ZNF132: variants seen among roughly 807,000 people sequenced by gnomAD.
The protein encoded by ZNF132 is zinc finger protein 132.
In ZNF132, 6 loss-of-function variants were observed where a neutral mutation model predicts 9.3. That is an observed-to-expected ratio of 0.65 (90% CI 0.35 to 1.28). The LOEUF is 1.28. Among genes scored for constraint, ZNF132 ranks in the 50% most tolerant of loss-of-function variants. The pLI is 0.03. For missense variants in ZNF132, 877 were observed against 843.2 expected (o/e 1.04, Z -0.50); for synonymous variants, 296 against 292.0 (o/e 1.01, Z -0.14).
rs1211136774 is a variant in ZNF132 at position 58,439,870 on chromosome 19, T to G, written c.-49A>C. On this transcript the variant is annotated 5_prime_UTR_variant, in exon 1 of 3. Transcript: ENST00000254166. ...TGCCGCTGGGCCGAACCCTCACACT[T>G]CCGCTGGGTGACGGTCGCACTCAGG... 1.3e-6 allele frequency: 2 copies of G among 1,523,382 alleles called. No individual in the cohort carries two copies. The highest frequency in any genetic ancestry group is 1.2e-5 in the South Asian group (1 of 81,376). 94.4% of individuals were successfully genotyped at this position (1,523,382 alleles called of 1,614,324 possible).
intron 2 of ZNF132, 182 bp downstream of exon 2, chr19:58,436,865 G>T: frequency 1.2e-6 from 1 of 851,446 alleles, no homozygotes; most frequent in Non-Finnish European, 2.0e-6. Flanking sequence ...GAAAGCTCAT[G>T]AGGCTGCTCA....
rs150467107 is a variant in ZNF132 at position 58,434,913 on chromosome 19, G to A, written c.531C>T (p.Asp177=). The A allele has an allele frequency of 2.2e-4, 349 of 1,613,978 alleles. No individual in the cohort carries two copies. Among genetic ancestry groups the A allele is most frequent in the African/African-American group, 5.5e-4 (41 of 74,896 alleles). ...GGACTTTAGAGCTCTTCATAAGTGC[G>A]TCCCTGTCCTTGTACCATCTAAAGG... is the stretch of plus-strand genomic sequence containing the variant. The part of the protein sequence containing the change: ...GKPFRWYKDR[D]ALMKSSKVHL... Residue 177 remains aspartate (D), a synonymous_variant, in exon 3 of 3, where the codon GAC becomes GAT. Coordinates refer to ENST00000254166, the MANE Select transcript of ZNF132 (RefSeq NM_003433.4).
rs749205106 is a variant in ZNF132 at position 58,434,289 on chromosome 19, G to C, written c.1155C>G (p.Ser385Arg). The change falls in exon 3 of 3, where the codon AGC (serine) becomes AGG (arginine). Residue 385 changes from serine (S) to arginine (R), a missense_variant. By Grantham distance (110) the Ser-to-Arg change is moderately radical. Transcript: ENST00000254166. ...GATGCCGAAGGAAATTGGAGCTTTG[G>C]CTGAAGGCTCTTCCACATTTCAGGC... ...FECLKCGRAF[S>R]QSSNFLRHQK... 6.2e-7 allele frequency: 1 copy of C among 1,613,970 alleles called. No homozygotes were observed. The highest frequency in any genetic ancestry group is 8.5e-7 in the Non-Finnish European group (1 of 1,179,970).
chr19:58,433,540 G>C lies in ZNF132; in HGVS notation c.1904C>G (p.Ala635Gly), dbSNP rs1314130737. The C allele has an allele frequency of 5.0e-6, 8 of 1,614,026 alleles. No homozygotes were observed. Among genetic ancestry groups the C allele is most frequent in the Middle Eastern group, 1.6e-4 (1 of 6,084 alleles). ...AACCAGGTGGGAGTTACTGCTAAAG[G>C]CTCTCCCACATTCACTGCATTCGTA... Reference protein sequence around the residue: ...RPYECSECGRAFSSNSHLVRH... With the variant: ...RPYECSECGRGFSSNSHLVRH... Residue 635 changes from alanine to glycine, a missense_variant, in exon 3 of 3, where the codon GCC becomes GGC. By Grantham distance (60) the Ala-to-Gly change is moderately conservative. Coordinates refer to ENST00000254166, the MANE Select transcript of ZNF132 (RefSeq NM_003433.4).
At position 58,433,374 on chromosome 19, in the gene ZNF132, T is replaced by A; in HGVS notation, c.2070A>T (p.Lys690Asn). 2 of 1,614,076 alleles carry A rather than the reference T, an allele frequency of 1.2e-6. No homozygotes were observed. The highest frequency in any genetic ancestry group is 1.7e-6 in the Non-Finnish European group (2 of 1,180,006). The change falls in exon 3 of 3, where the codon AAA becomes AAT. Residue 690 changes from lysine to asparagine, a missense_variant. Coordinates refer to ENST00000254166, the MANE Select transcript of ZNF132 (RefSeq NM_003433.4). ...ERTYECSQCG[K>N]LFSHLCNLAQ... is the part of the protein sequence containing the mutation. ...CAAGGTTACAAAGATGGCTGAAGAG[T>A]TTCCCACACTGGCTACACTCATAAG...
At position 58,434,785 on chromosome 19, in the gene ZNF132, T is replaced by C. The variant is rs375285143; in HGVS notation, c.659A>G (p.Tyr220Cys). 2 of 1,614,102 alleles carry C rather than the reference T, an allele frequency of 1.2e-6. No homozygotes were observed. The highest frequency in any genetic ancestry group is 2.7e-5 in the African/African-American group (2 of 74,934). ...LQAVDSGQKPYSNLGQLPEVC... is the reference protein window; with the variant it reads ...LQAVDSGQKPCSNLGQLPEVC... The stretch of plus-strand genomic sequence containing the variant: ...TTCTGGAAGCTGCCCAAGATTGGAA[T>C]ATGGCTTCTGCCCACTGTCAACAGC... The change falls in exon 3 of 3, where the codon TAT (tyrosine) becomes TGT (cysteine). Residue 220 changes from tyrosine to cysteine, a missense_variant. Transcript: ENST00000254166.
At chr19:58,436,136 A>G (rs1037475716) in intron 2 of ZNF132, among the ~76,000 whole-genome samples, 7 of 152,324 alleles carry the variant, frequency 4.6e-5, no homozygotes, top group Middle Eastern at 3.4e-3. Context: ...AAATCTATAT[A>G]GTCAGAAAGT....
chr19:58,436,838 TG>T, intron 2 of ZNF132: 1 of 729,726 alleles, frequency 1.4e-6, no homozygotes, highest in Non-Finnish European at 2.4e-6. Context: ...ACAAGGCTCC[TG>T]GGCAACAGCT....
At chr19:58,438,736 G>C (rs901394490) in intron 1 of ZNF132, among the ~76,000 whole-genome samples, 18 of 149,108 alleles carry the variant, frequency 1.2e-4, no homozygotes, top group African/African-American at 4.5e-4. Context: ...GCCTCCCAAA[G>C]TGCTGGGATT....
chr19:58,436,145 G>C (rs1246477854), intron 2 of ZNF132: 2 of 153,306 alleles, frequency 1.3e-5, no homozygotes, highest in Non-Finnish European at 2.9e-5. Flanking sequence ...TAGTCAGAAA[G>C]TAGATTAGTG....
chr19:58,435,267 C>G, intron 2 of ZNF132, 56 bp from the exon 3 acceptor site: 1 of 1,553,510 alleles, frequency 6.4e-7, no homozygotes, highest in Non-Finnish European at 8.7e-7. Flanking sequence ...GAATGGTTGA[C>G]TTCATTAGAA....
At chr19:58,439,641 CGT>C in intron 1 of ZNF132, 116 bp downstream of exon 1, 1 of 1,130,122 alleles carries the variant, frequency 8.8e-7, no homozygotes, top group Non-Finnish European at 1.2e-6. Context: ...CCAGGACCCA[CGT>C]GTGAGGACAG....
At position 58,434,570 on chromosome 19, in the gene ZNF132, C is replaced by T; in HGVS notation, c.874G>A (p.Val292Met). 1 of 1,614,120 alleles carries T rather than the reference C, an allele frequency of 6.2e-7. No homozygotes were observed. Among genetic ancestry groups the T allele is most frequent in the Non-Finnish European group, 8.5e-7 (1 of 1,179,974 alleles). The stretch of plus-strand genomic sequence containing the variant: ...AAGGCCTTCCCACACTCCTTACACA[C>T]ATGGGGTATTTCCCCAGTGTGAAAC... ...KKFHTGEIPH[V>M]CKECGKAFSH... Residue 292 changes from valine (V) to methionine (M), a missense_variant, in exon 3 of 3, where the codon GTG becomes ATG. By Grantham distance (21) the Val-to-Met change is conservative. Transcript: ENST00000254166.
chr19:58,433,841 T>G lies in ZNF132; in HGVS notation c.1603A>C (p.Arg535=), dbSNP rs752323626. Residue 535 remains arginine, a synonymous_variant, in exon 3 of 3, where the codon AGA becomes CGA. Coordinates refer to ENST00000254166, the MANE Select transcript of ZNF132 (RefSeq NM_003433.4). ...SRSSSLIQHW[R]IHTGEKPYEC... ...TAAGGCTTTTCTCCAGTGTGAATTC[T>G]CCAGTGCTGAATCAGGCTGGAGCTG... is the stretch of plus-strand genomic sequence containing the variant. 25 of 1,614,110 alleles carry G rather than the reference T, an allele frequency of 1.5e-5. No individual in the cohort carries two copies. Among genetic ancestry groups the G allele is most frequent in the Non-Finnish European group, 1.9e-5 (23 of 1,180,038 alleles).
intron 1 of ZNF132, among the ~76,000 whole-genome samples, chr19:58,438,534 C>T (rs936691161): frequency 2.1e-5 from 3 of 144,942 alleles, no homozygotes; most frequent in South Asian, 2.2e-4. Context: ...AGTGCAGTGG[C>T]GCGATCTTGG....
rs760959676 is a variant in ZNF132 at position 58,434,720 on chromosome 19, C to T, written c.724G>A (p.Gly242Arg). 14 of 1,614,158 alleles carry T rather than the reference C, an allele frequency of 8.7e-6. No homozygotes were observed. The highest frequency in any genetic ancestry group is 1.2e-5 in the Non-Finnish European group (14 of 1,180,038). ...GTGGAGCTCTTCAGGAAGGCTTTTCCACAGTTGCTGCACTCGAAGAGTTTC... is the reference window on the plus strand; with the variant it reads ...GTGGAGCTCTTCAGGAAGGCTTTTCTACAGTTGCTGCACTCGAAGAGTTTC... Reference protein sequence around the residue: ...TQKLFECSNCGKAFLKSSTLP... With the variant: ...TQKLFECSNCRKAFLKSSTLP... The change falls in exon 3 of 3, where the codon GGA becomes AGA. Residue 242 changes from glycine to arginine, a missense_variant. Transcript: ENST00000254166.
Position 58,440,093 on chromosome 19 carries a change from T to A in ZNF132, c.-272A>T. 4.1e-6 allele frequency: 2 copies of A among 482,790 alleles called. No homozygotes were observed. The highest frequency in any genetic ancestry group is 7.3e-6 in the Non-Finnish European group (2 of 275,862). 29.9% of individuals were successfully genotyped at this position (482,790 alleles called of 1,614,324 possible). On this transcript the variant is annotated 5_prime_UTR_variant, in exon 1 of 3. Coordinates refer to ENST00000254166, the MANE Select transcript of ZNF132 (RefSeq NM_003433.4). ...GGTCCCTGCACCCACTCCCGTGCCCTGGTGTGGCTCCAGAGGCCTGCTGTA... is the reference window on the plus strand; with the variant it reads ...GGTCCCTGCACCCACTCCCGTGCCCAGGTGTGGCTCCAGAGGCCTGCTGTA...
At position 58,434,006 on chromosome 19, in the gene ZNF132, C is replaced by T. The variant is rs765149591; in HGVS notation, c.1438G>A (p.Val480Ile). The T allele has an allele frequency of 1.6e-5, 26 of 1,614,058 alleles. No individual in the cohort carries two copies. The highest frequency in any genetic ancestry group is 2.2e-5 in the Non-Finnish European group (26 of 1,180,026). The stretch of plus-strand genomic sequence containing the variant: ...TCAAAAGGCCGTTCTCCAGTGTGAA[C>T]TTTCTGATGTCGAAGGAGATGGGAG... Reference protein sequence around the residue: ...QSSHLLRHQKVHTGERPFECC... With the variant: ...QSSHLLRHQKIHTGERPFECC... Residue 480 changes from valine to isoleucine, a missense_variant, in exon 3 of 3, where the codon GTT becomes ATT. Physicochemically the swap from Val to Ile is conservative, Grantham distance 29. Transcript: ENST00000254166.
rs1180169955 is a variant in ZNF132, at chr19:58,435,197, C to T, written c.247G>A (p.Val83Ile). The change falls in exon 3 of 3, where the codon GTA becomes ATA. Residue 83 changes from valine (V) to isoleucine (I), a missense_variant. Val to Ile is a conservative substitution (Grantham distance 29). Transcript: ENST00000254166. The part of the protein sequence containing the change: ...LVTSLGSWHG[V>I]EGEGAHPKQN... ...TTGGGATGGGCCCCCTCACCCTCTACTCCATGCCAAGAACCTGAAAGTAGA... is the reference window on the plus strand; with the variant it reads ...TTGGGATGGGCCCCCTCACCCTCTATTCCATGCCAAGAACCTGAAAGTAGA... 2 of 1,607,730 alleles carry T rather than the reference C, an allele frequency of 1.2e-6. No homozygotes were observed. The highest frequency in any genetic ancestry group is 1.7e-6 in the Non-Finnish European group (2 of 1,176,466).
Sources: allele counts gnomAD v4.1 joint callset (sites outside exome capture counted in the v4.1 genomes callset), GRCh38; gene constraint gnomAD v4.1.1; transcripts MANE v1.5; gene names NCBI Gene and HGNC (gene_info 2026-07-23, HGNC 2026-07-21).